Variants in FGF5 observed in about 807,000 individuals in gnomAD.
The protein encoded by FGF5 is fibroblast growth factor 5, also known as heparin-binding growth factor 5.
Under a neutral mutation model 21.8 loss-of-function variants are expected in FGF5, and 23 were observed. That is an observed-to-expected ratio of 1.05 (90% CI 0.76 to 1.49). The LOEUF (loss-of-function observed/expected upper bound fraction) is 1.49. Among genes scored for constraint, FGF5 ranks in the 40% most tolerant of loss-of-function variants. FGF5 has a pLI of 0.00. For synonymous variants in FGF5, 158 were observed against 124.0 expected (o/e 1.27, Z -1.82); for missense variants, 352 against 332.9 (o/e 1.06, Z -0.45).
intron 2 of FGF5, among the ~76,000 whole-genome samples, chr4:80,277,991 T>C (rs1445100278): frequency 6.6e-6 from 1 of 151,990 alleles, no homozygotes; most frequent in African/African-American, 2.4e-5. Flanking sequence ...GACGAAAGAG[T>C]CTCATAGATG....
chr4:80,279,121 A>G (rs945185300), intron 2 of FGF5, among the ~76,000 whole-genome samples: 5 of 152,160 alleles, frequency 3.3e-5, no homozygotes, highest in African/African-American at 1.2e-4. Context: ...GGTCCAGACT[A>G]GGAGTGAAAG....
At chr4:80,280,157 G>T (rs1720513173) in intron 2 of FGF5, among the ~76,000 whole-genome samples, 1 of 152,194 alleles carries the variant, frequency 6.6e-6, no homozygotes, top group Non-Finnish European at 1.5e-5. Flanking sequence ...GCTAGATCAA[G>T]GCATTTGAAA....
At chr4:80,268,764 C>T (rs1259272531) in intron 1 of FGF5, among the ~76,000 whole-genome samples, 1 of 152,222 alleles carries the variant, frequency 6.6e-6, no homozygotes, top group Non-Finnish European at 1.5e-5. Flanking sequence ...AGAGAGGGCC[C>T]TCCGCACACG....
rs1241975345 is a variant in FGF5 at position 80,287,680 on chromosome 4, A to G, written c.*1008A>G. 1 of 152,178 alleles carries G rather than the reference A, an allele frequency of 6.6e-6. No homozygotes were observed. The highest frequency in any genetic ancestry group is 1.5e-5 in the Non-Finnish European group (1 of 68,028). 9.4% of individuals were successfully genotyped at this position (152,178 alleles called of 1,614,324 possible). ...AAAAATACTTCTATGACTCTCTGCT[A>G]TCCCACTGTATAGATCCACAGGGAG... On this transcript the variant is annotated 3_prime_UTR_variant, in exon 3 of 3. Coordinates refer to ENST00000312465, the MANE Select transcript of FGF5 (RefSeq NM_004464.4).
rs987242030 is a variant in FGF5, at chr4:80,281,645, C to G, written c.460-4680C>G. ...TAGTTCTGTAGTTGCACGCAAGAGT[C>G]GGTATTTGCACAGCTTTAATTCATA... is the stretch of plus-strand genomic sequence containing the variant. On this transcript the variant is annotated intron_variant, in intron 2 of 2. Coordinates refer to ENST00000312465, the MANE Select transcript of FGF5 (RefSeq NM_004464.4). 2.0e-5 allele frequency among the ~76,000 whole-genome samples: 3 copies of G among 152,040 alleles called. No homozygotes were observed. The East Asian group carries it at 5.8e-4, about 29-fold the overall frequency.
Position 80,266,875 on chromosome 4 carries a change from C to A in FGF5, c.51C>A (p.Ser17Arg). 6.2e-7 allele frequency: 1 copy of A among 1,611,628 alleles called. No homozygotes were observed. Among genetic ancestry groups the A allele is most frequent in the Non-Finnish European group, 8.5e-7 (1 of 1,178,912 alleles). ...TCTTCTTCAGCCACCTGATCCTCAG[C>A]GCCTGGGCTCACGGGGAGAAGCGTC... ...LLLFFSHLIL[S>R]AWAHGEKRLA... is the part of the protein sequence containing the mutation. Residue 17 changes from serine to arginine, a missense_variant, in exon 1 of 3, where the codon AGC (serine) becomes AGA (arginine). Coordinates refer to ENST00000312465, the MANE Select transcript of FGF5 (RefSeq NM_004464.4).
chr4:80,274,790 C>T (rs35098145), intron 1 of FGF5, 119 bp from the exon 2 acceptor site: 1 of 591,558 alleles, frequency 1.7e-6, no homozygotes, highest in Non-Finnish European at 3.0e-6. Context: ...ATGTTAAATA[C>T]TAAGTTCTTT....
At chr4:80,271,806 G>A (rs1024750850) in intron 1 of FGF5, among the ~76,000 whole-genome samples, 2 of 152,088 alleles carry the variant, frequency 1.3e-5, no homozygotes, top group African/African-American at 4.8e-5. Context: ...ATAAAGGTCA[G>A]AAAATTACTG....
chr4:80,277,918 T>C (rs1404848333), intron 2 of FGF5, among the ~76,000 whole-genome samples: 2 of 152,138 alleles, frequency 1.3e-5, no homozygotes, highest in Admixed American at 1.3e-4. Flanking sequence ...TAGGCAGAGA[T>C]AATGTACTTT....
chr4:80,267,306 T>C (rs1720124833), intron 1 of FGF5, 127 bp downstream of exon 1: 1 of 737,076 alleles, frequency 1.4e-6, no homozygotes. Flanking sequence ...AAGCTGATAC[T>C]CAGAAACAGC....
chr4:80,271,481 G>A (rs1720270934), intron 1 of FGF5, among the ~76,000 whole-genome samples: 1 of 152,132 alleles, frequency 6.6e-6, no homozygotes, highest in South Asian at 2.1e-4. Flanking sequence ...CACACTGTCT[G>A]TAGCACTTTA....
At chr4:80,268,562 C>G in intron 1 of FGF5, 1 of 983,688 alleles carries the variant, frequency 1.0e-6, no homozygotes, top group Non-Finnish European at 1.2e-6. Context: ...CGGAGGCGCG[C>G]AAGTGGGTAA....
chr4:80,269,048 ACTTT>A (rs35769980), intron 1 of FGF5, among the ~76,000 whole-genome samples: 1 of 152,070 alleles, frequency 6.6e-6, no homozygotes, highest in African/African-American at 2.4e-5. Flanking sequence ...TTACAAGAAA[ACTTT>A]CTTTCTTCTG....
intron 2 of FGF5, among the ~76,000 whole-genome samples, chr4:80,276,008 A>T (rs566035988): frequency 2.7e-4 from 41 of 152,116 alleles, no homozygotes; most frequent in African/African-American, 8.9e-4. Context: ...GATTTGATAG[A>T]TCTTTAAAAA....
chr4:80,275,411 A>G, intron 2 of FGF5, among the ~76,000 whole-genome samples: 1 of 151,918 alleles, frequency 6.6e-6, no homozygotes, highest in South Asian at 2.1e-4. Flanking sequence ...TTTACAGGCT[A>G]CTCATAATAC....
chr4:80,275,459 A>G (rs1269254750), intron 2 of FGF5, among the ~76,000 whole-genome samples: 1 of 152,008 alleles, frequency 6.6e-6, no homozygotes, highest in Non-Finnish European at 1.5e-5. Flanking sequence ...TTTTCATATT[A>G]ACAAGCAGGG....
chr4:80,284,453 AAACAAC>A (rs34567621), intron 2 of FGF5, among the ~76,000 whole-genome samples: 18 of 151,940 alleles, frequency 1.2e-4, no homozygotes, highest in East Asian at 3.9e-4. Context: ...AACAATAACA[AAACAAC>A]AACAACAACA....
At position 80,266,740 on chromosome 4, in the gene FGF5, G is replaced by A; in HGVS notation, c.-85G>A. The A allele has an allele frequency of 8.3e-7, 1 of 1,200,364 alleles. No individual in the cohort carries two copies. The highest frequency in any genetic ancestry group is 1.2e-6 in the Non-Finnish European group (1 of 858,882). The allele number at this position is 1,200,364 out of a possible 1,614,324, so 74.4% of individuals were successfully genotyped here. On this transcript the variant is annotated 5_prime_UTR_variant, in exon 1 of 3. Coordinates refer to ENST00000312465, the MANE Select transcript of FGF5 (RefSeq NM_004464.4). The stretch of plus-strand genomic sequence containing the variant: ...TCCACCCGGTGCGGCGAGGCGGGCA[G>A]AGCCAGAGGCACGCAGCCGCACAGG...
At chr4:80,280,655 T>C (rs941741206) in intron 2 of FGF5, among the ~76,000 whole-genome samples, 22 of 152,320 alleles carry the variant, frequency 1.4e-4, no homozygotes, top group South Asian at 6.2e-4. Context: ...AATACTATCC[T>C]AATAGCAGCC....
Sources: gnomAD v4.1 joint callset for allele counts (sites outside exome capture counted in the v4.1 genomes callset) on GRCh38, gnomAD v4.1.1 for gene constraint, MANE v1.5 for transcripts, NCBI Gene and HGNC (gene_info 2026-07-23, HGNC 2026-07-21) for gene names.